Variants in KRT19 observed in about 807,000 individuals in gnomAD.
KRT19 encodes the protein keratin 19, also known as keratin, type I cytoskeletal 19.
KRT19 carries 21 observed loss-of-function variants against 34.6 expected under a neutral mutation model. That is an observed-to-expected ratio of 0.61 (90% CI 0.43 to 0.87). KRT19 has a LOEUF of 0.87. Among genes scored for constraint, KRT19 ranks in the 40% least tolerant of loss-of-function variants. The pLI is 0.00. For synonymous variants in KRT19, 240 were observed against 245.8 expected, an observed-to-expected ratio of 0.98 and a Z score of 0.22; for missense variants, 514 against 545.7, an observed-to-expected ratio of 0.94 and a Z score of 0.58.
At chr17:41,526,562 CTTTTTTTT>C (rs60030898) in intron 1 of KRT19, among the ~76,000 whole-genome samples, 8 of 72,194 alleles carry the variant, frequency 1.1e-4, no homozygotes, top group African/African-American at 1.8e-4. Flanking sequence ...AAGCTAATTC[CTTTTTTTT>C]TTTTTTTTTT....
At chr17:41,524,585 ACT>A in intron 3 of KRT19, 45 bp from the exon 4 acceptor site, 1 of 1,593,640 alleles carries the variant, frequency 6.3e-7, no homozygotes, top group Non-Finnish European at 8.6e-7. Context: ...CCCAGACCCC[ACT>A]GGGCCTGGCC....
rs1312693467 is a variant in KRT19 at position 41,523,739 on chromosome 17, T to C, written c.*4A>G. 6.2e-7 allele frequency: 1 copy of C among 1,613,294 alleles called. No individual in the cohort carries two copies. Among genetic ancestry groups the C allele is most frequent in the Non-Finnish European group, 8.5e-7 (1 of 1,179,434 alleles). ...GGACAGCAGAAGCCCCAGAGCCTGC[T>C]GCCTCAGAGGACCTTGGAGGCAGAC... On this transcript the variant is annotated 3_prime_UTR_variant, in exon 6 of 6. Coordinates refer to ENST00000361566, the MANE Select transcript of KRT19 (RefSeq NM_002276.5).
rs1567721958 is a variant in KRT19 at position 41,524,128 on chromosome 17, T to TAG, written c.948+14_948+15insCT. ...GAATTGCACAGGGAAGCGGCGGCGG[T>TAG]GGGGGGACACATACCATGCTCAGCT... On this transcript the variant is annotated intron_variant, in intron 5 of 5. Transcript: ENST00000361566. 6.2e-7 allele frequency: 1 copy of TAG among 1,611,330 alleles called. No individual in the cohort carries two copies.
At position 41,528,250 on chromosome 17, in the gene KRT19, C is replaced by A. The variant is rs1180249846; in HGVS notation, c.-3G>T. On this transcript the variant is annotated 5_prime_UTR_variant, in exon 1 of 6. Transcript: ENST00000361566. ...TGGCGATAGCTGTAGGAAGTCATGG[C>A]GAGGCGGAGCACGGACGGAGCAACC... The A allele has an allele frequency of 2.6e-6, 4 of 1,549,110 alleles. No homozygotes were observed. Among genetic ancestry groups the A allele is most frequent in the Non-Finnish European group, 2.6e-6 (3 of 1,156,988 alleles).
In KRT19 at chr17:41,524,480, G is replaced by C. The variant is rs770022377; in HGVS notation, c.721C>G (p.Pro241Ala). ...GQVSVEVDSA[P>A]GTDLAKILSD... ...AGGATCTTGGCGAGATCGGTGCCCGGAGCGGAATCCACCTCCACACTGACC... is the reference window on the plus strand; with the variant it reads ...AGGATCTTGGCGAGATCGGTGCCCGCAGCGGAATCCACCTCCACACTGACC... The change falls in exon 4 of 6, where the codon CCG becomes GCG. Residue 241 changes from proline to alanine, a missense_variant. By Grantham distance (27) the Pro-to-Ala change is conservative (BLOSUM62 -1). Transcript: ENST00000361566. 1 of 1,614,166 alleles carries C rather than the reference G, an allele frequency of 6.2e-7. No homozygotes were observed. The highest frequency in any genetic ancestry group is 8.5e-7 in the Non-Finnish European group (1 of 1,180,036).
chr17:41,524,031 G>T, intron 5 of KRT19, 34 bp from the exon 6 acceptor site: 1 of 1,603,066 alleles, frequency 6.2e-7, no homozygotes, highest in South Asian at 1.1e-5. Context: ...TGACTCAGCA[G>T]AGCCTGGTTC....
intron 1 of KRT19, among the ~76,000 whole-genome samples, chr17:41,526,562 C>CTTTTTTTT (rs60030898): frequency 1.1e-4 from 8 of 72,194 alleles, no homozygotes; most frequent in Admixed American, 5.0e-4. Flanking sequence ...AAGCTAATTC[C>CTTTTTTTT]TTTTTTTTTT....
chr17:41,525,024 A>C (rs1307525705), intron 2 of KRT19, 25 bp from the exon 3 acceptor site: 1 of 1,610,604 alleles, frequency 6.2e-7, no homozygotes, highest in South Asian at 1.1e-5. Flanking sequence ...AGTTGCAGCC[A>C]GGCAGAGCTT....
rs975074674 is a variant in KRT19, at chr17:41,528,101, G to A, written c.147C>T (p.Ser49=). 6.2e-7 allele frequency: 1 copy of A among 1,609,448 alleles called. No individual in the cohort carries two copies. ...GSGGRGVSVS[S]ARFVSSSSSG... is the part of the protein sequence containing the mutation. Reference sequence around the variant, plus strand: ...AGGAGGACGAGGACACAAAGCGGGCGGAGGACACGGATACGCCGCGGCCGC... The same window carrying A: ...AGGAGGACGAGGACACAAAGCGGGCAGAGGACACGGATACGCCGCGGCCGC... The change falls in exon 1 of 6, where the codon TCC becomes TCT. Residue 49 remains serine, a synonymous_variant. Coordinates refer to ENST00000361566, the MANE Select transcript of KRT19 (RefSeq NM_002276.5).
At position 41,528,304 on chromosome 17, in the gene KRT19, G is replaced by A; in HGVS notation, c.-57C>T. On this transcript the variant is annotated 5_prime_UTR_variant, in exon 1 of 6. Coordinates refer to ENST00000361566, the MANE Select transcript of KRT19 (RefSeq NM_002276.5). ...GTCTCAGAAGCTGCGATTCGCGGGA[G>A]GAGCGGCGAGGCCCTCACCTGGCGC... The A allele has an allele frequency of 6.8e-7, 1 of 1,472,112 alleles. No homozygotes were observed. The highest frequency in any genetic ancestry group is 8.9e-7 in the Non-Finnish European group (1 of 1,119,818). The allele number at this position is 1,472,112 out of a possible 1,614,324, so 91.2% of individuals were successfully genotyped here.
Position 41,524,453 on chromosome 17 carries a change from T to C in KRT19, c.748A>G (p.Ser250Gly), listed in dbSNP as rs1171644199. ...APGTDLAKIL[S>G]DMRSQYEVMA... is the part of the protein sequence containing the mutation. ...ACCTCATATTGGCTTCGCATGTCAC[T>C]CAGGATCTTGGCGAGATCGGTGCCC... Residue 250 changes from serine to glycine, a missense_variant, in exon 4 of 6, where the codon AGT (serine) becomes GGT (glycine). Ser to Gly is a moderately conservative substitution (Grantham distance 56, BLOSUM62 0). Coordinates refer to ENST00000361566, the MANE Select transcript of KRT19 (RefSeq NM_002276.5). 1.2e-6 allele frequency: 2 copies of C among 1,614,148 alleles called. No homozygotes were observed. Among genetic ancestry groups the C allele is most frequent in the Non-Finnish European group, 1.7e-6 (2 of 1,180,026 alleles).
chr17:41,525,664 C>T (rs908485306), intron 1 of KRT19: 1 of 223,580 alleles, frequency 4.5e-6, no homozygotes, highest in African/African-American at 2.3e-5. Context: ...GAAGAGAATC[C>T]CATTTGTTGA....
Position 41,528,244 on chromosome 17 carries a change from T to C in KRT19, c.4A>G (p.Thr2Ala). MTSYSYRQSSAT... is the reference protein window; with the variant it reads MASYSYRQSSAT... The stretch of plus-strand genomic sequence containing the variant: ...GACGACTGGCGATAGCTGTAGGAAG[T>C]CATGGCGAGGCGGAGCACGGACGGA... The change falls in exon 1 of 6, where the codon ACT (threonine) becomes GCT (alanine). Residue 2 changes from threonine to alanine, a missense_variant. By Grantham distance (58) the Thr-to-Ala change is moderately conservative. Coordinates refer to ENST00000361566, the MANE Select transcript of KRT19 (RefSeq NM_002276.5). The C allele has an allele frequency of 6.4e-7, 1 of 1,554,642 alleles. No individual in the cohort carries two copies. The highest frequency in any genetic ancestry group is 8.6e-7 in the Non-Finnish European group (1 of 1,159,634).
At chr17:41,525,355 G>A (rs1277408434) in intron 1 of KRT19, 82 bp from the exon 2 acceptor site, 2 of 1,042,272 alleles carry the variant, frequency 1.9e-6, no homozygotes, top group African/African-American at 1.6e-5. Flanking sequence ...AGAGAGGGGA[G>A]CAAATGAATA....
At chr17:41,524,749 C>A in intron 3 of KRT19, 94 bp downstream of exon 3, 1 of 1,447,086 alleles carries the variant, frequency 6.9e-7, no homozygotes, top group South Asian at 1.2e-5. Context: ...GAGGGTGCAC[C>A]AAGTGTTACC....
rs560358896 is a variant in KRT19, at chr17:41,523,660, C to T, written c.*83G>A. 150 of 1,394,740 alleles carry T rather than the reference C, an allele frequency of 1.1e-4. No individual in the cohort carries two copies. In the African/African-American group the frequency reaches 1.9e-3, roughly 18 times the overall value. 86.4% of individuals were successfully genotyped at this position (1,394,740 alleles called of 1,614,324 possible). On this transcript the variant is annotated 3_prime_UTR_variant, in exon 6 of 6. Transcript: ENST00000361566. ...TTTATTGGCAGGTCAGGAGAAGAGC[C>T]GGGGGTAAGGGTCCCTTCCTTCCCA...
chr17:41,525,338 C>A (rs931123186), intron 1 of KRT19, 65 bp from the exon 2 acceptor site: 1 of 1,188,548 alleles, frequency 8.4e-7, no homozygotes, highest in African/African-American at 1.5e-5. Context: ...CACTTTCTTC[C>A]CAGAAGAGAG....
rs779344248 is a variant in KRT19, at chr17:41,528,221, C to A, written c.27G>T (p.Ser9=). The A allele has an allele frequency of 3.2e-6, 5 of 1,577,336 alleles. No individual in the cohort carries two copies. The highest frequency in any genetic ancestry group is 2.3e-5 in the South Asian group (2 of 86,618). Residue 9 remains serine (S), a synonymous_variant, in exon 1 of 6, where the codon TCG becomes TCT. Transcript: ENST00000361566. Reference sequence around the variant, plus strand: ...GGCCTCCGAAGGACGACGTGGCCGACGACTGGCGATAGCTGTAGGAAGTCA... The same window carrying A: ...GGCCTCCGAAGGACGACGTGGCCGAAGACTGGCGATAGCTGTAGGAAGTCA... The part of the protein sequence containing the change: MTSYSYRQ[S]SATSSFGGLG...
At chr17:41,526,218 CCCGCCT>C (rs1425599221) in intron 1 of KRT19, among the ~76,000 whole-genome samples, 1 of 152,170 alleles carries the variant, frequency 6.6e-6, no homozygotes, top group South Asian at 2.1e-4. Flanking sequence ...TCGTGATCCG[CCCGCCT>C]CCGCCTCCCA....
Sources: gnomAD v4.1 joint callset for allele counts (sites outside exome capture counted in the v4.1 genomes callset) on GRCh38, gnomAD v4.1.1 for gene constraint, MANE v1.5 for transcripts, NCBI Gene and HGNC (gene_info 2026-07-23, HGNC 2026-07-21) for gene names.